The following SARDH variants were observed in gnomAD, a reference collection of about 807,000 sequenced individuals.
The protein encoded by SARDH is sarcosine dehydrogenase.
In SARDH, 95 loss-of-function variants were observed where a neutral mutation model predicts 109.1. The ratio of observed to expected loss-of-function variants is 0.87; its 90% CI spans 0.74 to 1.03. SARDH has a LOEUF of 1.03. Ranked by LOEUF, SARDH falls within the 50% of genes least tolerant of loss-of-function variation. The probability of loss-of-function intolerance (pLI) is 0.00; values close to 1 mark genes in which losing one functional copy is unlikely to be tolerated. For synonymous variants in SARDH, 572 were observed against 534.8 expected, an observed-to-expected ratio of 1.07 and a Z score of -0.96; for missense variants, 1,267 against 1,287.8, an observed-to-expected ratio of 0.98 and a Z score of 0.25.
In SARDH at chr9:133,729,849, A is replaced by G. The variant is rs756743469; in HGVS notation, c.831T>C (p.Ala277=). Residue 277 remains alanine (A), a synonymous_variant, in exon 6 of 21, where the codon GCT becomes GCC. Transcript: ENST00000439388. ...VVNCAGVWAS[A]VGRMAGVKVP... is the part of the protein sequence containing the mutation. ...CCTTGACTCCAGCCATCCGGCCCACAGCACTTGCCCACACTCCTGCGGGCA... is the reference window on the plus strand; with the variant it reads ...CCTTGACTCCAGCCATCCGGCCCACGGCACTTGCCCACACTCCTGCGGGCA... 6.2e-7 allele frequency: 1 copy of G among 1,612,086 alleles called. No homozygotes were observed. The highest frequency in any genetic ancestry group is 8.5e-7 in the Non-Finnish European group (1 of 1,180,004).
intron 17 of SARDH, among the ~76,000 whole-genome samples, chr9:133,671,914 G>C (rs1280064061): frequency 1.3e-5 from 2 of 152,184 alleles, no homozygotes; most frequent in African/African-American, 4.8e-5. Context: ...GTCACCTTTG[G>C]GAAGGGGAGA....
downstream of SARDH, among the ~76,000 whole-genome samples, chr9:133,660,282 T>C (rs763955420): frequency 6.6e-6 from 1 of 151,958 alleles, no homozygotes; most frequent in Non-Finnish European, 1.5e-5. Context: ...TTTCCATTGA[T>C]GGAGGAGGAA....
intron 3 of SARDH, 76 bp from the exon 4 acceptor site, chr9:133,731,560 T>C: frequency 2.1e-6 from 3 of 1,462,424 alleles, no homozygotes; most frequent in Non-Finnish European, 2.8e-6. Flanking sequence ...CAACTGGGCA[T>C]CCACCGCAAA....
chr9:133,718,922 G>A lies in SARDH; in HGVS notation c.1020+16C>T, dbSNP rs561402059. The A allele has an allele frequency of 1.9e-6, 3 of 1,588,592 alleles. No homozygotes were observed. The highest frequency in any genetic ancestry group is 1.7e-4 in the Middle Eastern group (1 of 6,014). On this transcript the variant is annotated intron_variant, in intron 7 of 20. Transcript: ENST00000439388. The surrounding 1 kb of genome is among the most constrained non-coding windows in gnomAD (Gnocchi z 4.2). ...CCCCAACTCCCTCCCATTATCCCAG[G>A]GCCCTGGCATCTTACCTCCTCCCAA...
intron 17 of SARDH, among the ~76,000 whole-genome samples, chr9:133,676,592 G>A (rs560310206): frequency 6.6e-6 from 1 of 152,366 alleles, no homozygotes; most frequent in East Asian, 1.9e-4. Context: ...TGCCAGGGGA[G>A]GCCGGGGGGT....
At chr9:133,679,218 GC>G (rs1830613876) in intron 17 of SARDH, among the ~76,000 whole-genome samples, 1 of 152,200 alleles carries the variant, frequency 6.6e-6, no homozygotes, top group Non-Finnish European at 1.5e-5. Flanking sequence ...CAGGGAACCT[GC>G]CCATGATATC....
At position 133,712,585 on chromosome 9, in the gene SARDH, C is replaced by T. The variant is rs200519040; in HGVS notation, c.1328+34G>A. The T allele has an allele frequency of 2.6e-5, 40 of 1,562,458 alleles. No individual in the cohort carries two copies. The highest frequency in any genetic ancestry group is 1.7e-4 in the Middle Eastern group (1 of 6,008). On this transcript the variant is annotated intron_variant, in intron 10 of 20. Transcript: ENST00000439388. This position sits in a 1 kb window ranked among gnomAD's most constrained non-coding sequence, Gnocchi z 4.1. ...ACCCCACGCCACCTGTCCTGAGTGG[C>T]GGGCCCTGCCCTTAGGTCCCAATGG...
At chr9:133,702,626 C>G (rs570350025) in intron 13 of SARDH, among the ~76,000 whole-genome samples, 1 of 152,222 alleles carries the variant, frequency 6.6e-6, no homozygotes, top group Admixed American at 6.5e-5. Flanking sequence ...GCGGTGCAGC[C>G]CCACCGGGCC....
chr9:133,673,702 C>T (rs1006344896), intron 17 of SARDH, among the ~76,000 whole-genome samples: 2 of 152,248 alleles, frequency 1.3e-5, no homozygotes, highest in Admixed American at 1.3e-4. Flanking sequence ...AGGCCCCTGA[C>T]AAAGATTGCC....
At chr9:133,681,355 GC>G (rs1302041268) in intron 17 of SARDH, among the ~76,000 whole-genome samples, 1 of 152,196 alleles carries the variant, frequency 6.6e-6, no homozygotes, top group Non-Finnish European at 1.5e-5. Context: ...TCGGGGCCTT[GC>G]CCCACCCTGT....
At chr9:133,675,404 C>T (rs772164916) in intron 17 of SARDH, among the ~76,000 whole-genome samples, 4 of 151,440 alleles carry the variant, frequency 2.6e-5, no homozygotes, top group Non-Finnish European at 4.4e-5. Context: ...AAAGCAAATG[C>T]AAATGGCCAA....
chr9:133,668,285 CT>C (rs1830147125), intron 19 of SARDH, among the ~76,000 whole-genome samples: 1 of 36,862 alleles, frequency 2.7e-5, no homozygotes, highest in Non-Finnish European at 5.3e-5. Context: ...GTCCCTCTCC[CT>C]CCCTCTCCCT....
At chr9:133,671,760 C>T in intron 17 of SARDH, 63 bp from the exon 18 acceptor site, 3 of 1,502,298 alleles carry the variant, frequency 2.0e-6, no homozygotes, top group South Asian at 2.6e-5. Flanking sequence ...AGGCCCAGGC[C>T]ACCACTTCCT....
intron 19 of SARDH, chr9:133,667,166 G>T: frequency 2.0e-6 from 1 of 512,708 alleles, no homozygotes; most frequent in Non-Finnish European, 3.4e-6. Flanking sequence ...CCCTGCTTCC[G>T]ATTTCCTTCC....
intron 17 of SARDH, among the ~76,000 whole-genome samples, chr9:133,676,611 A>G (rs1035667633): frequency 2.0e-5 from 3 of 152,204 alleles, no homozygotes; most frequent in African/African-American, 7.2e-5. Flanking sequence ...GTGTAGACAC[A>G]GAGATGGGAA....
intron 6 of SARDH, chr9:133,725,813 TGG>T (rs1832471136): frequency 4.4e-6 from 1 of 225,910 alleles, no homozygotes; most frequent in South Asian, 5.3e-5. Context: ...GCATGGCGTG[TGG>T]ACTCCTCTGT....
rs1317814125 is a variant in SARDH at position 133,693,566 on chromosome 9, A to C, written c.1921+692T>G. On this transcript the variant is annotated intron_variant, in intron 15 of 20. Coordinates refer to ENST00000439388, the MANE Select transcript of SARDH (RefSeq NM_001134707.2). This position sits in a 1 kb window ranked among gnomAD's most constrained non-coding sequence, Gnocchi z 5.6. Reference sequence around the variant, plus strand: ...CAGAGGTGGCAATGCCTCTTCCTGGAGAAAGAGAATGTTTCCCTCTCTGCT... The same window carrying C: ...CAGAGGTGGCAATGCCTCTTCCTGGCGAAAGAGAATGTTTCCCTCTCTGCT... Among the ~76,000 whole-genome samples, 5 of 152,202 alleles carry C rather than the reference A, an allele frequency of 3.3e-5. No homozygotes were observed. In the East Asian group the frequency reaches 9.6e-4, roughly 29 times the overall value.
rs746085268 is a variant in SARDH at position 133,683,000 on chromosome 9, CTG to C, written c.2163+2191_2163+2192del. Among the ~76,000 whole-genome samples, 11 of 152,364 alleles carry C rather than the reference CTG, an allele frequency of 7.2e-5. No individual in the cohort carries two copies. In the East Asian group the frequency reaches 1.9e-3, roughly 27 times the overall value. On this transcript the variant is annotated intron_variant, in intron 17 of 20. Transcript: ENST00000439388. ...TGATTTTACACCAATGAGCAGGAGA[CTG>C]TGGGGAGAGGCGGCCCCTGCACCCC...
In SARDH at chr9:133,671,614, C is replaced by G; in HGVS notation, c.2247G>C (p.Arg749=). ...GCTTGGCACCCGCGGCCATCACAGC[C>G]CGGTACACAGGCACGCAGGACGCCT... is the stretch of plus-strand genomic sequence containing the variant. ...IPKASCVPVY[R]AVMAAGAKHG... is the part of the protein sequence containing the mutation. Residue 749 remains arginine (R), a synonymous_variant, in exon 18 of 21, where the codon CGG becomes CGC. Transcript: ENST00000439388. The G allele has an allele frequency of 6.2e-7, 1 of 1,603,592 alleles. No homozygotes were observed. The highest frequency in any genetic ancestry group is 2.2e-5 in the East Asian group (1 of 44,468).
Sources: gnomAD v4.1 joint callset for allele counts (sites outside exome capture counted in the v4.1 genomes callset) on GRCh38, gnomAD v4.1.1 for gene constraint, Gnocchi (gnomAD v3.1) non-coding constraint, MANE v1.5 for transcripts, NCBI Gene and HGNC (gene_info 2026-07-23, HGNC 2026-07-21) for gene names.